The following NRXN3 variants were observed in gnomAD, a reference collection of about 807,000 sequenced individuals.
The protein encoded by NRXN3 is neurexin III.
Under a neutral mutation model 137.6 loss-of-function variants are expected in NRXN3, and 32 were observed. The observed-to-expected ratio is 0.23, with a 90% CI of 0.18 to 0.31. The LOEUF is 0.31. Ranked by LOEUF, NRXN3 falls within the 10% of genes least tolerant of loss-of-function variation. NRXN3 has a pLI of 1.00. For missense variants in NRXN3, 1,574 were observed against 2,062.5 expected (o/e 0.76, Z 4.59); for synonymous variants, 798 against 784.5 (o/e 1.02, Z -0.29).
Position 79,227,778 on chromosome 14 carries a change from CTT to C in NRXN3, c.3263-239442_3263-239441del, listed in dbSNP as rs1332985962. Among the ~76,000 whole-genome samples the C allele has an allele frequency of 5.4e-3, 693 of 128,224 alleles. 2 individuals carry two copies. Among genetic ancestry groups the C allele is most frequent in the East Asian group, 6.5e-3 (27 of 4,130 alleles). 84.1% of individuals were successfully genotyped at this position (128,224 alleles called of 152,430 possible). Reference sequence around the variant, plus strand: ...CCTTCCTTCCTTCCTTCCTTCCTTCCTTCCTTCCCTCCTCCCTTCCTCCCTTC... The same window carrying C: ...CCTTCCTTCCTTCCTTCCTTCCTTCCCCTTCCCTCCTCCCTTCCTCCCTTC... On this transcript the variant is annotated intron_variant, in intron 15 of 20. Coordinates refer to ENST00000335750, the MANE Select transcript of NRXN3 (RefSeq NM_001330195.2).
At chr14:79,578,482 C>A (rs2097686003) in intron 16 of NRXN3, among the ~76,000 whole-genome samples, 1 of 152,130 alleles carries the variant, frequency 6.6e-6, no homozygotes, top group South Asian at 2.1e-4. Flanking sequence ...CCAAGTCCCA[C>A]AACCTAAGCC....
At chr14:78,772,607 G>C (rs2098732006) in intron 8 of NRXN3, among the ~76,000 whole-genome samples, 1 of 152,162 alleles carries the variant, frequency 6.6e-6, no homozygotes, top group Non-Finnish European at 1.5e-5. Context: ...ATCAGAGTTA[G>C]GTCAATGTTT....
intron 10 of NRXN3, among the ~76,000 whole-genome samples, chr14:78,847,919 G>T (rs1252207326): frequency 6.6e-6 from 1 of 152,076 alleles, no homozygotes; most frequent in Non-Finnish European, 1.5e-5. Flanking sequence ...ATTTAGGAAA[G>T]AACTAAGTTA....
chr14:78,389,439 C>A (rs894940571), intron 4 of NRXN3, among the ~76,000 whole-genome samples: 1 of 152,148 alleles, frequency 6.6e-6, no homozygotes, highest in African/African-American at 2.4e-5. Flanking sequence ...AGCGTGAAAG[C>A]CAATGCCTGT....
At chr14:78,857,393 C>G (rs939501446) in intron 10 of NRXN3, among the ~76,000 whole-genome samples, 14 of 152,084 alleles carry the variant, frequency 9.2e-5, no homozygotes, top group African/African-American at 3.1e-4. Context: ...CCATTACAAG[C>G]ATGGAAGCTG....
intron 4 of NRXN3, among the ~76,000 whole-genome samples, chr14:78,471,601 T>C (rs1182969645): frequency 6.6e-6 from 1 of 152,222 alleles, no homozygotes; most frequent in Admixed American, 6.5e-5. Context: ...TAATAAAAAC[T>C]AACCTGGGTA....
At chr14:78,799,161 G>T (rs1314062410) in intron 8 of NRXN3, among the ~76,000 whole-genome samples, 2 of 152,168 alleles carry the variant, frequency 1.3e-5, no homozygotes, top group Non-Finnish European at 2.9e-5. Context: ...TTGTCAGGCT[G>T]CAACTTTTTT....
At chr14:79,025,516 T>C (rs2099596610) in intron 15 of NRXN3, among the ~76,000 whole-genome samples, 1 of 152,164 alleles carries the variant, frequency 6.6e-6, no homozygotes, top group African/African-American at 2.4e-5. Flanking sequence ...TAAAAGGGCC[T>C]CCACCTTTTC....
chr14:78,282,221 T>C (rs2074505586), intron 3 of NRXN3: 1 of 464,016 alleles, frequency 2.2e-6, no homozygotes, highest in Non-Finnish European at 4.3e-6. Context: ...AGGGCAGAGG[T>C]GGGCATCTCT....
At chr14:79,431,274 G>T (rs2095749769) in intron 15 of NRXN3, among the ~76,000 whole-genome samples, 1 of 152,176 alleles carries the variant, frequency 6.6e-6, no homozygotes, top group African/African-American at 2.4e-5. Flanking sequence ...CTTTGTCTGA[G>T]AATTGGTTAG....
chr14:79,292,151 A>G (rs1055133675), intron 15 of NRXN3, among the ~76,000 whole-genome samples: 1 of 152,202 alleles, frequency 6.6e-6, no homozygotes, highest in Non-Finnish European at 1.5e-5. Context: ...CGGATACTGA[A>G]AGCAACTAAT....
At chr14:78,495,932 A>G (rs1464737166) in intron 4 of NRXN3, among the ~76,000 whole-genome samples, 1 of 152,216 alleles carries the variant, frequency 6.6e-6, no homozygotes, top group Non-Finnish European at 1.5e-5. Context: ...CTATCCTAAT[A>G]TCTTCCTCAC....
chr14:79,197,944 A>T (rs2065364728), intron 15 of NRXN3, among the ~76,000 whole-genome samples: 1 of 152,332 alleles, frequency 6.6e-6, no homozygotes, highest in Middle Eastern at 3.4e-3. Flanking sequence ...TTGTGATTTC[A>T]ACAATGTTCA....
chr14:79,545,045 C>A (rs909775090), intron 16 of NRXN3, among the ~76,000 whole-genome samples: 11 of 152,168 alleles, frequency 7.2e-5, no homozygotes, highest in African/African-American at 2.7e-4. Flanking sequence ...GCTGGAGGAG[C>A]TGTTGCTTAT....
At chr14:79,625,714 C>T (rs1187393626) in intron 16 of NRXN3, among the ~76,000 whole-genome samples, 1 of 152,232 alleles carries the variant, frequency 6.6e-6, no homozygotes, top group African/African-American at 2.4e-5. Flanking sequence ...ATTACCTTTT[C>T]TCCCCATGTG....
At chr14:78,328,489 TA>T (rs2080385405) in intron 4 of NRXN3, among the ~76,000 whole-genome samples, 1 of 152,084 alleles carries the variant, frequency 6.6e-6, no homozygotes, top group African/African-American at 2.4e-5. Flanking sequence ...GTAATAGAAC[TA>T]AAAAATGAAA....
At chr14:78,649,838 C>G (rs928940453) in intron 5 of NRXN3, among the ~76,000 whole-genome samples, 1 of 152,056 alleles carries the variant, frequency 6.6e-6, no homozygotes, top group African/African-American at 2.4e-5. Context: ...TCTTACCCTT[C>G]TTTTACTTTA....
intron 4 of NRXN3, among the ~76,000 whole-genome samples, chr14:78,428,893 C>T (rs773501851): frequency 3.9e-5 from 6 of 152,058 alleles, no homozygotes; most frequent in African/African-American, 4.8e-5. Flanking sequence ...CCCAAAAAAA[C>T]GCCCTAACAG....
At chr14:78,307,322 G>T (rs1291018802) in intron 4 of NRXN3, among the ~76,000 whole-genome samples, 1 of 151,504 alleles carries the variant, frequency 6.6e-6, no homozygotes, top group Admixed American at 6.6e-5. Flanking sequence ...TTTCTTTATT[G>T]GTTGATTTAT....
Sources: gnomAD v4.1 joint callset for allele counts (sites outside exome capture counted in the v4.1 genomes callset) on GRCh38, gnomAD v4.1.1 for gene constraint, MANE v1.5 for transcripts, NCBI Gene and HGNC (gene_info 2026-07-23, HGNC 2026-07-21) for gene names.